The following DOCK1 variants were observed in gnomAD, a reference collection of about 807,000 sequenced individuals.
DOCK1 encodes dedicator of cytokinesis protein 1.
A neutral mutation model predicts 262.7 loss-of-function variants in DOCK1; 138 were observed. The ratio of observed to expected loss-of-function variants is 0.53; its 90% CI spans 0.46 to 0.61. The LOEUF (loss-of-function observed/expected upper bound fraction) is 0.61. Ranked by LOEUF, DOCK1 falls within the 20% of genes least tolerant of loss-of-function variation. The probability of loss-of-function intolerance (pLI) is 0.00; values close to 1 mark genes in which losing one functional copy is unlikely to be tolerated. For synonymous variants in DOCK1, 866 were observed against 867.4 expected (o/e 1.00, Z 0.03); for missense variants, 1,908 against 2,370.7 (o/e 0.80, Z 4.05).
At chr10:127,159,762 A>C (rs1007105408) in intron 27 of DOCK1, among the ~76,000 whole-genome samples, 1 of 152,278 alleles carries the variant, frequency 6.6e-6, no homozygotes, top group African/African-American at 2.4e-5. Context: ...CCCATGGCAG[A>C]GCTGGTGCTG....
rs113111100 is a variant in DOCK1, at chr10:127,289,176, G to A, written c.3044+31747G>A. ...CACACAAACACGCACACACAGATGCGTGCAAACACATACTTGTATTCCCAT... is the reference window on the plus strand; with the variant it reads ...CACACAAACACGCACACACAGATGCATGCAAACACATACTTGTATTCCCAT... On this transcript the variant is annotated intron_variant, in intron 29 of 51. Coordinates refer to ENST00000623213, the MANE Select transcript of DOCK1 (RefSeq NM_001290223.2). Among the ~76,000 whole-genome samples the A allele has an allele frequency of 6.2e-3, 937 of 152,192 alleles. 8 individuals carry two copies. The highest frequency in any genetic ancestry group is 0.01 in the Middle Eastern group (3 of 294).
At chr10:127,433,258 C>G (rs748272216) in intron 47 of DOCK1, 25 bp from the exon 48 acceptor site, 2 of 1,611,772 alleles carry the variant, frequency 1.2e-6, no homozygotes, top group Non-Finnish European at 1.7e-6. Flanking sequence ...AAACAAGTCT[C>G]CTTCTCTCTC....
intron 38 of DOCK1, among the ~76,000 whole-genome samples, chr10:127,401,185 T>A (rs1041561140): frequency 1.2e-4 from 19 of 152,030 alleles, no homozygotes; most frequent in African/African-American, 3.9e-4. Flanking sequence ...TCTCCCAAAC[T>A]GCCTTTGAAA....
At chr10:127,031,828 A>G (rs1350046580) in intron 17 of DOCK1, 75 bp downstream of exon 17, 6 of 1,303,758 alleles carry the variant, frequency 4.6e-6, no homozygotes, top group East Asian at 2.3e-5. Context: ...ACCTGGACCA[A>G]CCTTTCCCAT....
At chr10:127,152,556 G>A (rs990008759) in intron 27 of DOCK1, among the ~76,000 whole-genome samples, 2 of 152,174 alleles carry the variant, frequency 1.3e-5, no homozygotes, top group Non-Finnish European at 2.9e-5. Flanking sequence ...TTTCAGTAAG[G>A]TAGGCTTTCT....
intron 31 of DOCK1, among the ~76,000 whole-genome samples, chr10:127,348,038 A>G (rs1215514502): frequency 6.6e-6 from 1 of 151,390 alleles, no homozygotes; most frequent in Non-Finnish European, 1.5e-5. Context: ...TAGGATTTTC[A>G]TTCTAAAGAC....
chr10:127,398,578 G>T (rs2067050679), intron 38 of DOCK1, among the ~76,000 whole-genome samples: 1 of 152,148 alleles, frequency 6.6e-6, no homozygotes, highest in Admixed American at 6.5e-5. Context: ...GACCTGTGTG[G>T]GACTCTGGAA....
chr10:126,929,661 G>A (rs2034035032), intron 1 of DOCK1, among the ~76,000 whole-genome samples: 1 of 152,108 alleles, frequency 6.6e-6, no homozygotes, highest in Non-Finnish European at 1.5e-5. Context: ...GGAGTGCTCA[G>A]GCCCGTTTAA....
intron 27 of DOCK1, chr10:127,192,464 T>A (rs2056825440): frequency 2.0e-5 from 3 of 152,216 alleles, no homozygotes; most frequent in Non-Finnish European, 4.4e-5. Flanking sequence ...CAGGTTAGAA[T>A]GTTTTGTTTT....
At chr10:127,212,521 T>G (rs2058025202) in intron 27 of DOCK1, among the ~76,000 whole-genome samples, 1 of 152,136 alleles carries the variant, frequency 6.6e-6, no homozygotes, top group African/African-American at 2.4e-5. Flanking sequence ...AGGACTGTGC[T>G]TCTCGCTTGC....
At chr10:127,425,809 G>A in intron 46 of DOCK1, 65 bp from the exon 47 acceptor site, 8 of 1,592,996 alleles carry the variant, frequency 5.0e-6, no homozygotes, top group Non-Finnish European at 8.6e-7. Flanking sequence ...CTTTCCCCAA[G>A]TGTGCATTGC....
chr10:126,974,827 A>G (rs2038394099), intron 2 of DOCK1, among the ~76,000 whole-genome samples: 2 of 152,122 alleles, frequency 1.3e-5, no homozygotes, highest in South Asian at 2.1e-4. Flanking sequence ...TCTCTGGTAC[A>G]TGGTGTGCGG....
chr10:126,906,506 T>G (rs868531501), intron 1 of DOCK1, among the ~76,000 whole-genome samples: 1 of 152,150 alleles, frequency 6.6e-6, no homozygotes, highest in Non-Finnish European at 1.5e-5. Flanking sequence ...TTTTCGGGCT[T>G]GCTATTCCCC....
chr10:127,196,920 T>TG (rs1435498080), intron 27 of DOCK1, among the ~76,000 whole-genome samples: 1 of 151,814 alleles, frequency 6.6e-6, no homozygotes, highest in African/African-American at 2.4e-5. Flanking sequence ...CTCTCAGGGA[T>TG]GGGGGGTCGC....
chr10:126,970,568 A>G (rs1273223396), intron 1 of DOCK1, 134 bp from the exon 2 acceptor site: 2 of 652,246 alleles, frequency 3.1e-6, no homozygotes, highest in East Asian at 5.5e-5. Context: ...TGTGGGTATC[A>G]GAGAGGATGA....
At chr10:127,306,051 G>A (rs1315406147) in intron 29 of DOCK1, among the ~76,000 whole-genome samples, 15 of 132,120 alleles carry the variant, frequency 1.1e-4, no homozygotes, top group Admixed American at 1.0e-3. Flanking sequence ...GTCTCGCTCT[G>A]TCACCCAAGC....
chr10:127,236,633 T>C (rs554212469), intron 27 of DOCK1, among the ~76,000 whole-genome samples: 16 of 150,026 alleles, frequency 1.1e-4, no homozygotes, highest in African/African-American at 3.7e-4. Context: ...GTCTTAACCA[T>C]ATTGAGTCTT....
At position 127,175,955 on chromosome 10, in the gene DOCK1, C is replaced by T. The variant is rs147680044; in HGVS notation, c.2847+48191C>T. 82 of 1,614,100 alleles carry T rather than the reference C, an allele frequency of 5.1e-5. No homozygotes were observed. The African/African-American group carries it at 6.7e-4, about 13-fold the overall frequency. On this transcript the variant is annotated intron_variant, in intron 27 of 51. Coordinates refer to ENST00000623213, the MANE Select transcript of DOCK1 (RefSeq NM_001290223.2). This position sits in a 1 kb window ranked among gnomAD's most constrained non-coding sequence, Gnocchi z 6.3. ...TGGGTCCAGCCTCGTTCTTCTCTTT[C>T]GCATCTGTTAGAAACCCATTGTTTT...
intron 4 of DOCK1, among the ~76,000 whole-genome samples, chr10:126,983,525 C>G (rs2039131086): frequency 6.6e-6 from 1 of 152,088 alleles, no homozygotes; most frequent in South Asian, 2.1e-4. Flanking sequence ...CATGATCGTT[C>G]TCATATGGCC....
Sources: gnomAD v4.1 joint callset for allele counts (sites outside exome capture counted in the v4.1 genomes callset) on GRCh38, gnomAD v4.1.1 for gene constraint, Gnocchi (gnomAD v3.1) non-coding constraint, MANE v1.5 for transcripts, NCBI Gene and HGNC (gene_info 2026-07-23, HGNC 2026-07-21) for gene names.